Variants in RADX observed in about 807,000 individuals in gnomAD.
RADX encodes the protein RPA1 related single stranded DNA binding protein, X-linked, also known as RPA-related protein RADX.
Under a neutral mutation model 61.6 loss-of-function variants are expected in RADX, and 36 were observed. That is an observed-to-expected ratio of 0.58 (90% CI 0.45 to 0.77). The LOEUF is 0.77. RADX is among the 30% of genes least tolerant of loss of function. The pLI is 0.00. For missense variants in RADX, 497 were observed against 651.1 expected, an observed-to-expected ratio of 0.76 and a Z score of 2.58; for synonymous variants, 272 against 237.9, an observed-to-expected ratio of 1.14 and a Z score of -1.32.
intron 12 of RADX, among the ~76,000 whole-genome samples, chrX:106,665,989 A>T (rs1188530297): frequency 1.8e-5 from 2 of 111,465 alleles, no homozygotes; most frequent in Middle Eastern, 4.2e-3. Context: ...ACTTGCCTCA[A>T]ATCAATAGAT....
intron 13 of RADX, among the ~76,000 whole-genome samples, chrX:106,675,121 A>G (rs1049473345): frequency 1.8e-5 from 2 of 111,879 alleles, no homozygotes; most frequent in African/African-American, 6.5e-5. Flanking sequence ...TACTGATATG[A>G]TATCCTACTT....
chrX:106,634,640 C>A (rs1927318585), intron 6 of RADX, among the ~76,000 whole-genome samples: 2 of 111,269 alleles, frequency 1.8e-5, no homozygotes, highest in African/African-American at 6.5e-5. Flanking sequence ...AACCTCACCC[C>A]AATTTATGGG....
intron 13 of RADX, among the ~76,000 whole-genome samples, 178 bp downstream of exon 13, chrX:106,669,508 T>C (rs1412779590): frequency 8.9e-6 from 1 of 112,089 alleles, no homozygotes; most frequent in Non-Finnish European, 1.9e-5. Context: ...TTTAAATAAA[T>C]TGAATAGCTG....
chrX:106,618,572 A>G (rs766349014), intron 1 of RADX, among the ~76,000 whole-genome samples: 2 of 111,180 alleles, frequency 1.8e-5, no homozygotes, highest in Non-Finnish European at 3.8e-5. Context: ...TTCAGAGTCC[A>G]TGTTGAGACC....
At chrX:106,669,858 CTCTAAA>C (rs911447437) in intron 13 of RADX, among the ~76,000 whole-genome samples, 1 of 112,030 alleles carries the variant, frequency 8.9e-6, no homozygotes, top group African/African-American at 3.2e-5. Flanking sequence ...ATATACTGAA[CTCTAAA>C]TTGTCTCTAT....
At chrX:106,645,655 T>C (rs1335099196) in intron 10 of RADX, among the ~76,000 whole-genome samples, 11 of 111,690 alleles carry the variant, frequency 9.8e-5, no homozygotes, top group Non-Finnish European at 2.1e-4. Context: ...TTTTAAGACT[T>C]GTTTTGTGAC....
chrX:106,641,181 C>G (rs1182621032), intron 10 of RADX, among the ~76,000 whole-genome samples: 2 of 110,581 alleles, frequency 1.8e-5, no homozygotes, highest in Non-Finnish European at 3.8e-5. Flanking sequence ...TGCTATGACC[C>G]TATTTCCAAA....
intron 1 of RADX, among the ~76,000 whole-genome samples, chrX:106,617,986 AATT>A (rs1234370428): frequency 8.9e-6 from 1 of 112,348 alleles, no homozygotes; most frequent in Non-Finnish European, 1.9e-5. Flanking sequence ...AACTTAAAGA[AATT>A]ATTAAGGCAG....
chrX:106,659,533 A>G (rs1928036052), intron 11 of RADX, among the ~76,000 whole-genome samples: 1 of 111,993 alleles, frequency 8.9e-6, no homozygotes, highest in Admixed American at 9.5e-5. Flanking sequence ...TATTTTAGCT[A>G]TGCATTAAGC....
chrX:106,650,851 A>T (rs1927776995), intron 11 of RADX, among the ~76,000 whole-genome samples: 2 of 111,914 alleles, frequency 1.8e-5, no homozygotes, highest in South Asian at 7.4e-4. Flanking sequence ...ATAATAGATA[A>T]ATGCAGATGA....
At chrX:106,636,504 A>G in intron 6 of RADX, 39 bp from the exon 7 acceptor site, 1 of 840,296 alleles carries the variant, frequency 1.2e-6, no homozygotes, top group Non-Finnish European at 1.8e-6. Context: ...GTCCTATTTG[A>G]AATGGAAAAG....
intron 12 of RADX, among the ~76,000 whole-genome samples, chrX:106,668,587 C>G (rs780124269): frequency 8.9e-6 from 1 of 111,844 alleles, no homozygotes; most frequent in East Asian, 2.8e-4. Flanking sequence ...GACATTGACC[C>G]ACATAAAAAG....
At chrX:106,665,069 G>GA (rs1028797920) in intron 12 of RADX, among the ~76,000 whole-genome samples, 3 of 111,802 alleles carry the variant, frequency 2.7e-5, no homozygotes, top group Non-Finnish European at 5.6e-5. Flanking sequence ...ATATCTTTTA[G>GA]AAAAGTATGA....
chrX:106,677,003 C>T (rs1351234285), intron 13 of RADX, among the ~76,000 whole-genome samples: 1 of 112,075 alleles, frequency 8.9e-6, no homozygotes, highest in East Asian at 2.8e-4. Context: ...TCTTGCTTGT[C>T]CCAACTTTAT....
At chrX:106,640,742 A>T in intron 10 of RADX, 21 bp downstream of exon 10, 1 of 1,060,554 alleles carries the variant, frequency 9.4e-7, no homozygotes, top group Non-Finnish European at 1.3e-6. Flanking sequence ...TGTATTAAGT[A>T]TATGTAAAGT....
intron 3 of RADX, among the ~76,000 whole-genome samples, chrX:106,625,603 C>T (rs1927057661): frequency 9.0e-6 from 1 of 111,415 alleles, no homozygotes; most frequent in African/African-American, 3.3e-5. Context: ...TTTGCACTTA[C>T]TAGTAGGTGC....
rs1286687003 is a variant in RADX at position 106,677,372 on chromosome X, TA to T, written c.2438-754del. ...TTTATTAATTTTTCCCTAGTTGCTC[TA>T]AGTTTTTGTCTAGATTCTAGAGTTC... On this transcript the variant is annotated intron_variant, in intron 13 of 13. Coordinates refer to ENST00000372548, the MANE Select transcript of RADX (RefSeq NM_018015.6). Among the ~76,000 whole-genome samples the T allele has an allele frequency of 2.7e-5, 3 of 111,792 alleles. No individual in the cohort carries two copies. The East Asian group carries it at 8.4e-4, about 31-fold the overall frequency.
rs1278639931 is a variant in RADX at position 106,637,866 on chromosome X, A to C, written c.1515A>C (p.Gly505=). The C allele has an allele frequency of 1.3e-5, 16 of 1,205,361 alleles. No homozygotes were observed. The highest frequency in any genetic ancestry group is 1.8e-5 in the Non-Finnish European group (16 of 891,185). ...SGEQKNMVIG[G]YYPYPPVPET... ...AACAGAAGAATATGGTTATTGGTGG[A>C]TATTACCCCTATCCACCAGTGCCAG... The change falls in exon 8 of 14, where the codon GGA becomes GGC. Residue 505 remains glycine (G), a synonymous_variant. Transcript: ENST00000372548.
At position 106,612,429 on chromosome X, in the gene RADX, C is replaced by G; in HGVS notation, c.349C>G (p.Leu117Val). ...KCYLDPSLNSLVYQNILKVGI... is the reference protein window; with the variant it reads ...KCYLDPSLNSVVYQNILKVGI... ...CTACCTGGACCCCAGCTTGAACTCT[C>G]TCGTATATCAAAATATTCTTAAAGT... Residue 117 changes from leucine to valine, a missense_variant, in exon 1 of 14, where the codon CTC becomes GTC. This residue lies in a region of RADX where 196 missense variants were observed against 315.0 expected (regional missense o/e 0.62). Transcript: ENST00000372548. 1 of 1,211,569 alleles carries G rather than the reference C, an allele frequency of 8.3e-7. No homozygotes were observed. The highest frequency in any genetic ancestry group is 1.1e-6 in the Non-Finnish European group (1 of 895,383).
Sources: gnomAD v4.1 joint callset for allele counts (sites outside exome capture counted in the v4.1 genomes callset) on GRCh38, gnomAD v4.1.1 for gene constraint, gnomAD v4.1.1 regional missense constraint, MANE v1.5 for transcripts, NCBI Gene and HGNC (gene_info 2026-07-23, HGNC 2026-07-21) for gene names.